Variants in PDGFRA observed in about 807,000 individuals in gnomAD.
The protein encoded by PDGFRA is platelet-derived growth factor receptor alpha.
PDGFRA carries 25 observed loss-of-function variants against 121.5 expected under a neutral mutation model. The observed-to-expected ratio is 0.21, with a 90% CI of 0.15 to 0.29. PDGFRA has a LOEUF of 0.29. Ranked by LOEUF, PDGFRA falls within the 10% of genes least tolerant of loss-of-function variation. The pLI is 1.00. For missense variants in PDGFRA, 1,008 were observed against 1,345.1 expected, an observed-to-expected ratio of 0.75 and a Z score of 3.92; for synonymous variants, 463 against 494.8, an observed-to-expected ratio of 0.94 and a Z score of 0.85.
At chr4:54,261,910 T>C (rs912719750) in intron 3 of PDGFRA, among the ~76,000 whole-genome samples, 2 of 52,950 alleles carry the variant, frequency 3.8e-5, no homozygotes, top group African/African-American at 1.2e-4. Context: ...TATATATATA[T>C]ATATATATAT....
At chr4:54,244,487 A>G (rs1274514824) in intron 1 of PDGFRA, among the ~76,000 whole-genome samples, 2 of 152,372 alleles carry the variant, frequency 1.3e-5, no homozygotes, top group South Asian at 4.1e-4. Flanking sequence ...GCAAACTCCA[A>G]CAGACCTGCA....
In PDGFRA at chr4:54,270,814, C is replaced by T. The variant is rs546874480; in HGVS notation, c.1237+66C>T. On this transcript the variant is annotated intron_variant, in intron 8 of 22. Transcript: ENST00000257290. ...TGAGTGTCTTCCAAGGAAAGCCTGG[C>T]ACTTTTCTCCCCGGTCATGGAAGAA... The T allele has an allele frequency of 2.0e-5, 18 of 897,550 alleles. No individual in the cohort carries two copies. In the African/African-American group the frequency reaches 2.6e-4, roughly 13 times the overall value. 55.6% of individuals were successfully genotyped at this position (897,550 alleles called of 1,614,324 possible).
intron 1 of PDGFRA, among the ~76,000 whole-genome samples, chr4:54,247,209 A>T (rs1415046553): frequency 6.6e-6 from 1 of 152,194 alleles, no homozygotes; most frequent in Admixed American, 6.5e-5. Context: ...ATCCTCCCTA[A>T]CTCATTTTAT....
At chr4:54,293,394 A>G (rs896204964) in intron 22 of PDGFRA, among the ~76,000 whole-genome samples, 5 of 145,514 alleles carry the variant, frequency 3.4e-5, no homozygotes, top group African/African-American at 1.0e-4. Context: ...CTTTTGTAAC[A>G]TTATCAGTCA....
intron 1 of PDGFRA, among the ~76,000 whole-genome samples, chr4:54,252,907 G>C (rs1193149341): frequency 6.6e-6 from 1 of 151,136 alleles, no homozygotes; most frequent in African/African-American, 2.4e-5. Context: ...CATTGCCTTT[G>C]GTTATAGAGT....
At position 54,290,193 on chromosome 4, in the gene PDGFRA, C is replaced by T. The variant is rs1309049934; in HGVS notation, c.2881-120C>T. 3.6e-6 allele frequency: 3 copies of T among 827,928 alleles called. No homozygotes were observed. In the East Asian group the frequency reaches 7.7e-5, roughly 21 times the overall value. 51.3% of individuals were successfully genotyped at this position (827,928 alleles called of 1,614,324 possible). A position where few individuals can be genotyped will look rare whatever the true frequency, so the allele number is the denominator to read the frequency against. On this transcript the variant is annotated intron_variant, in intron 21 of 22. Coordinates refer to ENST00000257290, the MANE Select transcript of PDGFRA (RefSeq NM_006206.6). ...ATGACTCTCCTTCAACTAAGTCCCA[C>T]ATCTTCCAGGTAGTTTGGAGATATG...
At chr4:54,235,879 G>T (rs995134194) in intron 1 of PDGFRA, among the ~76,000 whole-genome samples, 1 of 152,268 alleles carries the variant, frequency 6.6e-6, no homozygotes, top group African/African-American at 2.4e-5. Flanking sequence ...CTTGGTAGTC[G>T]TGCTTCCTAG....
At chr4:54,232,369 T>G (rs958481281) in intron 1 of PDGFRA, among the ~76,000 whole-genome samples, 1 of 152,182 alleles carries the variant, frequency 6.6e-6, no homozygotes, top group Admixed American at 6.5e-5. Context: ...GCATTTCCTT[T>G]TGTTTTAAAC....
At chr4:54,272,320 C>G in intron 8 of PDGFRA, 74 bp from the exon 9 acceptor site, 1 of 1,541,844 alleles carries the variant, frequency 6.5e-7, no homozygotes, top group Non-Finnish European at 8.9e-7. Context: ...GTTGTGAACT[C>G]ATATTCCACT....
chr4:54,241,506 TGAAAG>T (rs991884047), intron 1 of PDGFRA, among the ~76,000 whole-genome samples: 5 of 150,660 alleles, frequency 3.3e-5, no homozygotes, highest in African/African-American at 1.2e-4. Flanking sequence ...TAGCCATAAC[TGAAAG>T]GAAATTTATT....
rs183688662 is a variant in PDGFRA, at chr4:54,276,365, C to T, written c.1787-1023C>T. ...AGTAGTAATAGTAGAATAGGTCTCC[C>T]GTACAGCTGGCTCTGTGTGAATTAA... is the stretch of plus-strand genomic sequence containing the variant. On this transcript the variant is annotated intron_variant, in intron 12 of 22. Coordinates refer to ENST00000257290, the MANE Select transcript of PDGFRA (RefSeq NM_006206.6). Among the ~76,000 whole-genome samples, 343 of 152,230 alleles carry T rather than the reference C, an allele frequency of 2.3e-3. 8 individuals are homozygous for T. The highest frequency in any genetic ancestry group is 2.6e-4 in the Non-Finnish European group (18 of 68,012).
At chr4:54,281,893 AT>A in intron 16 of PDGFRA, 3 of 1,147,520 alleles carry the variant, frequency 2.6e-6, no homozygotes, top group Admixed American at 4.8e-5. Context: ...ATCACATGTG[AT>A]TGGTGGTTGA....
At chr4:54,237,668 T>C (rs1276541269) in intron 1 of PDGFRA, among the ~76,000 whole-genome samples, 1 of 152,238 alleles carries the variant, frequency 6.6e-6, no homozygotes, top group Non-Finnish European at 1.5e-5. Flanking sequence ...GTGGAAGCCT[T>C]GCATCCCAGG....
rs2110292798 is a variant in PDGFRA at position 54,273,678 on chromosome 4, G to A, written c.1506G>A (p.Leu502=). The part of the protein sequence containing the change: ...KVEETIAVRC[L]AKNLLGAENR... ...AGGAGACCATCGCCGTGCGATGCCT[G>A]GCTAAGAATCTCCTTGGAGCTGAGA... The change falls in exon 10 of 23, where the codon CTG becomes CTA. Residue 502 remains leucine (L), a synonymous_variant. Coordinates refer to ENST00000257290, the MANE Select transcript of PDGFRA (RefSeq NM_006206.6). 1.2e-6 allele frequency: 2 copies of A among 1,614,054 alleles called. No individual in the cohort carries two copies. Among genetic ancestry groups the A allele is most frequent in the Non-Finnish European group, 1.7e-6 (2 of 1,180,034 alleles).
rs149408217 is a variant in PDGFRA at position 54,261,178 on chromosome 4, T to C, written c.133T>C (p.Phe45Leu). 5.9e-5 allele frequency: 96 copies of C among 1,614,040 alleles called. No individual in the cohort carries two copies. The highest frequency in any genetic ancestry group is 7.2e-5 in the Non-Finnish European group (85 of 1,179,990). ...NEKVVQLNSS[F>L]SLRCFGESEV... ...AAAGGTTGTGCAGCTGAATTCATCC[T>C]TTTCTCTGAGATGCTTTGGGGAGAG... The change falls in exon 3 of 23, where the codon TTT (phenylalanine) becomes CTT (leucine). Residue 45 changes from phenylalanine to leucine, a missense_variant. Phe to Leu is a conservative substitution (Grantham distance 22). Coordinates refer to ENST00000257290, the MANE Select transcript of PDGFRA (RefSeq NM_006206.6).
chr4:54,268,865 A>C (rs76055171), intron 7 of PDGFRA, among the ~76,000 whole-genome samples: 2 of 152,218 alleles, frequency 1.3e-5, no homozygotes, highest in East Asian at 3.9e-4. Flanking sequence ...CACTGTCTGC[A>C]AGCCATAATC....
intron 16 of PDGFRA, 199 bp downstream of exon 16, chr4:54,280,681 C>T (rs1724028480): frequency 2.2e-6 from 1 of 445,758 alleles, no homozygotes; most frequent in Non-Finnish European, 4.0e-6. Flanking sequence ...TAAAAGCTGA[C>T]AATGTAACAA....
intron 4 of PDGFRA, chr4:54,264,150 A>G: frequency 1.7e-6 from 1 of 586,204 alleles, no homozygotes. Context: ...ATGTTTCATC[A>G]GTTGACTTCA....
intron 1 of PDGFRA, among the ~76,000 whole-genome samples, chr4:54,252,123 T>C (rs1722079828): frequency 6.6e-6 from 1 of 152,232 alleles, no homozygotes; most frequent in Non-Finnish European, 1.5e-5. Flanking sequence ...ACCAGTGATC[T>C]ATGGCTGTTG....
Sources: gnomAD v4.1 joint callset for allele counts (sites outside exome capture counted in the v4.1 genomes callset) on GRCh38, gnomAD v4.1.1 for gene constraint, MANE v1.5 for transcripts, NCBI Gene and HGNC (gene_info 2026-07-23, HGNC 2026-07-21) for gene names.